The following MTHFD1 variants were observed in gnomAD, a reference collection of about 807,000 sequenced individuals.
The protein encoded by MTHFD1 is methylenetetrahydrofolate dehydrogenase, cyclohydrolase and formyltetrahydrofolate synthetase 1.
A neutral mutation model predicts 110.3 loss-of-function variants in MTHFD1; 44 were observed. That is an observed-to-expected ratio of 0.40 (90% CI 0.31 to 0.51). The LOEUF (loss-of-function observed/expected upper bound fraction) is 0.51, where lower values mean the gene tolerates loss of function less well. Among genes scored for constraint, MTHFD1 ranks in the 20% least tolerant of loss-of-function variants. The probability of loss-of-function intolerance (pLI) is 0.60; values close to 1 mark genes in which losing one functional copy is unlikely to be tolerated. For missense variants in MTHFD1, 909 were observed against 1,173.1 expected, an observed-to-expected ratio of 0.77 and a Z score of 3.29; for synonymous variants, 402 against 428.8, an observed-to-expected ratio of 0.94 and a Z score of 0.77.
chr14:64,417,849 C>T lies in MTHFD1; in HGVS notation c.479-39C>T. On this transcript the variant is annotated intron_variant, in intron 6 of 27. Transcript: ENST00000652337. The surrounding 1 kb of genome is among the most constrained non-coding windows in gnomAD (Gnocchi z 4.4). ...CGTGGCATGCGAAGGAGGGCAGCTT[C>T]TATCCTCCAACTCTGATGCAGGCTG... The T allele has an allele frequency of 1.2e-6, 2 of 1,611,952 alleles. No individual in the cohort carries two copies. The highest frequency in any genetic ancestry group is 8.5e-7 in the Non-Finnish European group (1 of 1,179,812).
rs532183917 is a variant in MTHFD1, at chr14:64,441,701, A to C, written c.1884+248A>C. Reference sequence around the variant, plus strand: ...GGCGCCTGTAGTCCCAGCTGCTCGGAAGGTTGAGGCAGAATGGCGTGAACC... The same window carrying C: ...GGCGCCTGTAGTCCCAGCTGCTCGGCAGGTTGAGGCAGAATGGCGTGAACC... On this transcript the variant is annotated intron_variant, in intron 19 of 27. Transcript: ENST00000652337. 44 of 550,398 alleles carry C rather than the reference A, an allele frequency of 8.0e-5. No homozygotes were observed. In the African/African-American group the frequency reaches 8.1e-4, roughly 10 times the overall value. 34.1% of individuals were successfully genotyped at this position (550,398 alleles called of 1,614,324 possible). A position where few individuals can be genotyped will look rare whatever the true frequency, so the allele number is the denominator to read the frequency against.
At chr14:64,428,925 C>T (rs1007625760) in intron 12 of MTHFD1, among the ~76,000 whole-genome samples, 4 of 152,170 alleles carry the variant, frequency 2.6e-5, no homozygotes, top group African/African-American at 4.8e-5. Context: ...CTTTCAACTT[C>T]AGCACGAGCT....
intron 2 of MTHFD1, among the ~76,000 whole-genome samples, chr14:64,410,644 G>A (rs1427284780): frequency 6.6e-6 from 1 of 152,148 alleles, no homozygotes; most frequent in East Asian, 1.9e-4. Context: ...GGGCCAGGGA[G>A]CTTTCCATTG....
chr14:64,448,567 C>A, intron 23 of MTHFD1: 1 of 516,148 alleles, frequency 1.9e-6, no homozygotes. Flanking sequence ...ACACACAAGC[C>A]TGAAGTTCAA....
chr14:64,416,232 G>A (rs1460349834), intron 6 of MTHFD1, among the ~76,000 whole-genome samples: 2 of 151,858 alleles, frequency 1.3e-5, no homozygotes, highest in East Asian at 3.9e-4. Flanking sequence ...GCAACAGAGC[G>A]AGACTCTGTC....
intron 14 of MTHFD1, 28 bp from the exon 15 acceptor site, chr14:64,431,759 A>C: frequency 6.2e-7 from 1 of 1,609,470 alleles, no homozygotes; most frequent in Non-Finnish European, 8.5e-7. Context: ...GGCTCCTCTC[A>C]TTTTAAAGCC....
intron 7 of MTHFD1, among the ~76,000 whole-genome samples, chr14:64,418,450 C>CAAAAAAA (rs202143596): frequency 7.6e-6 from 1 of 131,494 alleles, no homozygotes. Context: ...GACCCTGTCT[C>CAAAAAAA]AAAAAAAAAA....
intron 1 of MTHFD1, among the ~76,000 whole-genome samples, chr14:64,397,166 TATATATATATATATATATATATATA>T (rs1156406831): frequency 4.5e-4 from 8 of 17,684 alleles, no homozygotes; most frequent in African/African-American, 2.4e-3. Context: ...TATATATATA[TATATATATATATATATATATATATA>T]AAAAACAGTA....
intron 12 of MTHFD1, 141 bp downstream of exon 12, chr14:64,427,614 T>C (rs2078127832): frequency 1.1e-6 from 1 of 893,240 alleles, no homozygotes; most frequent in African/African-American, 1.6e-5. Context: ...ACCTCTGTAG[T>C]CATGCTTTTG....
At chr14:64,453,651 TCTG>T in intron 24 of MTHFD1, 100 bp from the exon 25 acceptor site, 3 of 729,040 alleles carry the variant, frequency 4.1e-6, no homozygotes, top group Non-Finnish European at 7.6e-6. Flanking sequence ...AAAACCATCT[TCTG>T]CCCCTTTTAG....
chr14:64,448,360 TC>T (rs1239684578), intron 23 of MTHFD1, 43 bp downstream of exon 23: 1 of 1,410,100 alleles, frequency 7.1e-7, no homozygotes, highest in African/African-American at 1.4e-5. Flanking sequence ...GTGGAAAATC[TC>T]CTGGAGCTGA....
chr14:64,407,627 C>T (rs1261257849), intron 2 of MTHFD1, among the ~76,000 whole-genome samples: 9 of 149,960 alleles, frequency 6.0e-5, no homozygotes, highest in African/African-American at 2.2e-4. Flanking sequence ...TCACTGAAAC[C>T]TCTGCCCTCC....
In MTHFD1 at chr14:64,424,895, C is replaced by G; in HGVS notation, c.819C>G (p.Gly273=). 4 of 1,614,138 alleles carry G rather than the reference C, an allele frequency of 2.5e-6. No individual in the cohort carries two copies. Among genetic ancestry groups the G allele is most frequent in the Non-Finnish European group, 3.4e-6 (4 of 1,180,018 alleles). Reference sequence around the variant, plus strand: ...CGAGCTTCATCACTCCTGTTCCTGGCGGCGTAGGGCCCATGACAGTTGCAA... The same window carrying G: ...CGAGCTTCATCACTCCTGTTCCTGGGGGCGTAGGGCCCATGACAGTTGCAA... ...ERASFITPVP[G]GVGPMTVAML... Residue 273 remains glycine, a synonymous_variant, in exon 9 of 28, where the codon GGC becomes GGG. Coordinates refer to ENST00000652337, the MANE Select transcript of MTHFD1 (RefSeq NM_005956.4).
chr14:64,424,712 C>A (rs2078105633), intron 8 of MTHFD1, 92 bp from the exon 9 acceptor site: 1 of 1,427,510 alleles, frequency 7.0e-7, no homozygotes, highest in Non-Finnish European at 9.8e-7. Flanking sequence ...ATGGGACTAA[C>A]ACACCCTACA....
chr14:64,388,418 A>G lies in MTHFD1; in HGVS notation c.-10A>G. ...TGGTGTCCATCGTGGGCAGCGGACT[A>G]ATAAAGGCCATGGCGCCAGCAGAAA... On this transcript the variant is annotated 5_prime_UTR_variant, in exon 1 of 28. Coordinates refer to ENST00000652337, the MANE Select transcript of MTHFD1 (RefSeq NM_005956.4). The G allele has an allele frequency of 6.2e-7, 1 of 1,614,152 alleles. No homozygotes were observed. The highest frequency in any genetic ancestry group is 8.5e-7 in the Non-Finnish European group (1 of 1,180,038).
chr14:64,410,413 G>GT (rs1324793454), intron 2 of MTHFD1, among the ~76,000 whole-genome samples: 1 of 151,472 alleles, frequency 6.6e-6, no homozygotes. Flanking sequence ...AAGATGGGGG[G>GT]GGGGGTCTCA....
At chr14:64,454,901 T>C in intron 26 of MTHFD1, 26 bp downstream of exon 26, 1 of 1,612,506 alleles carries the variant, frequency 6.2e-7, no homozygotes, top group Non-Finnish European at 8.5e-7. Context: ...AAGGGAGTAG[T>C]GGGCGCATCT....
At position 64,449,494 on chromosome 14, in the gene MTHFD1, C is replaced by A; in HGVS notation, c.2329C>A (p.His777Asn). The change falls in exon 24 of 28, where the codon CAT becomes AAT. Residue 777 changes from histidine (H) to asparagine (N), a missense_variant. By Grantham distance (68) the His-to-Asn change is moderately conservative. Transcript: ENST00000652337. ...LDLISRLSREHGAFDAVKCTH... is the reference protein window; with the variant it reads ...LDLISRLSRENGAFDAVKCTH... ...CCTCATCAGCCGCCTTTCCAGAGAA[C>A]ATGGGGCTTTTGATGCCGTGAAGTG... 1 of 1,614,132 alleles carries A rather than the reference C, an allele frequency of 6.2e-7. No homozygotes were observed. Among genetic ancestry groups the A allele is most frequent in the Non-Finnish European group, 8.5e-7 (1 of 1,180,052 alleles).
intron 1 of MTHFD1, among the ~76,000 whole-genome samples, chr14:64,391,267 C>T (rs547151849): frequency 6.6e-6 from 1 of 152,198 alleles, no homozygotes; most frequent in Non-Finnish European, 1.5e-5. Flanking sequence ...TGGGTTCAAA[C>T]GATTCTCCTG....
Sources: gnomAD v4.1 joint callset for allele counts (sites outside exome capture counted in the v4.1 genomes callset) on GRCh38, gnomAD v4.1.1 for gene constraint, Gnocchi (gnomAD v3.1) non-coding constraint, MANE v1.5 for transcripts, NCBI Gene and HGNC (gene_info 2026-07-23, HGNC 2026-07-21) for gene names.